Variants in LRRC4C observed in about 807,000 individuals in gnomAD.
LRRC4C encodes leucine-rich repeat-containing protein 4C.
Under a neutral mutation model 33.6 loss-of-function variants are expected in LRRC4C, and 5 were observed. The ratio of observed to expected loss-of-function variants is 0.15; its 90% CI spans 0.08 to 0.31. The LOEUF is 0.31. Ranked by LOEUF, LRRC4C falls within the 10% of genes least tolerant of loss-of-function variation. The pLI, the probability that LRRC4C is intolerant of heterozygous loss-of-function variation, is 1.00. For synonymous variants in LRRC4C, 329 were observed against 302.0 expected, an observed-to-expected ratio of 1.09 and a Z score of -0.93; for missense variants, 560 against 796.7, an observed-to-expected ratio of 0.70 and a Z score of 3.58.
At chr11:40,545,761 G>A (rs1956887164) in intron 3 of LRRC4C, among the ~76,000 whole-genome samples, 1 of 151,992 alleles carries the variant, frequency 6.6e-6, no homozygotes, top group Admixed American at 6.6e-5. Flanking sequence ...GAACTTTAGA[G>A]TTTCTATGTA....
intron 1 of LRRC4C, among the ~76,000 whole-genome samples, chr11:40,954,439 T>C (rs778754833): frequency 6.6e-6 from 1 of 151,864 alleles, no homozygotes; most frequent in Non-Finnish European, 1.5e-5. Context: ...TTTGCATGGC[T>C]CCAATCATAA....
At chr11:41,384,000 T>C (rs1484837442) in intron 1 of LRRC4C, among the ~76,000 whole-genome samples, 1 of 151,952 alleles carries the variant, frequency 6.6e-6, no homozygotes, top group African/African-American at 2.4e-5. Context: ...GCACTAAAAT[T>C]TAAGCTTTGT....
intron 4 of LRRC4C, among the ~76,000 whole-genome samples, chr11:40,259,671 C>T (rs1035483440): frequency 3.3e-5 from 5 of 152,248 alleles, no homozygotes; most frequent in African/African-American, 1.2e-4. Flanking sequence ...AATAGGGAAC[C>T]CTTTCCCCAT....
chr11:40,594,172 T>C (rs1268337321), intron 3 of LRRC4C, among the ~76,000 whole-genome samples: 1 of 152,206 alleles, frequency 6.6e-6, no homozygotes, highest in Non-Finnish European at 1.5e-5. Flanking sequence ...TACACTCTGA[T>C]ATTTTTCATT....
At chr11:41,339,466 G>T (rs192213667) in intron 1 of LRRC4C, among the ~76,000 whole-genome samples, 1 of 152,060 alleles carries the variant, frequency 6.6e-6, no homozygotes, top group Non-Finnish European at 1.5e-5. Flanking sequence ...AAATGCAAAG[G>T]TCATTTGCAG....
rs148874722 is a variant in LRRC4C at position 41,381,610 on chromosome 11, G to C, written c.-496+77821C>G. ...CCACTGTACTCCAGCCTGGGCAACA[G>C]AGCAAGACTCTGCTTCAAAAAAAAA... On this transcript the variant is annotated intron_variant, in intron 1 of 6. Transcript: ENST00000528697. Among the ~76,000 whole-genome samples, 621 of 134,686 alleles carry C rather than the reference G, an allele frequency of 4.6e-3. 1 individual carries two copies. The highest frequency in any genetic ancestry group is 6.1e-3 in the Non-Finnish European group (396 of 64,564). The allele number at this position is 134,686 out of a possible 152,430, so 88.4% of individuals were successfully genotyped here. A position where few individuals can be genotyped will look rare whatever the true frequency, so the allele number is the denominator to read the frequency against.
At chr11:41,211,792 C>T (rs568696621) in intron 1 of LRRC4C, among the ~76,000 whole-genome samples, 130 of 152,260 alleles carry the variant, frequency 8.5e-4, no homozygotes, top group African/African-American at 3.1e-3. Context: ...AATAAACATA[C>T]GTGCTCATGT....
At chr11:41,310,702 A>G (rs953701319) in intron 1 of LRRC4C, among the ~76,000 whole-genome samples, 4 of 152,224 alleles carry the variant, frequency 2.6e-5, no homozygotes, top group Non-Finnish European at 5.9e-5. Flanking sequence ...CAGCATTCAT[A>G]GCAACCAGTC....
At chr11:41,354,437 G>C (rs1952087895) in intron 1 of LRRC4C, among the ~76,000 whole-genome samples, 2 of 151,948 alleles carry the variant, frequency 1.3e-5, no homozygotes, top group African/African-American at 4.8e-5. Flanking sequence ...TTGTTAAAAT[G>C]GTCAGATGCC....
At chr11:40,298,522 A>G (rs921587693) in intron 4 of LRRC4C, among the ~76,000 whole-genome samples, 5 of 151,424 alleles carry the variant, frequency 3.3e-5, no homozygotes, top group African/African-American at 1.2e-4. Flanking sequence ...CAAGCAGAAG[A>G]TCATGAGTAC....
intron 1 of LRRC4C, among the ~76,000 whole-genome samples, chr11:41,140,275 A>T (rs1325984325): frequency 6.6e-6 from 1 of 152,162 alleles, no homozygotes; most frequent in Non-Finnish European, 1.5e-5. Context: ...GTTTCTGGAA[A>T]TGCCTGGCTG....
intron 6 of LRRC4C, among the ~76,000 whole-genome samples, chr11:40,125,535 G>T (rs1273449451): frequency 6.7e-6 from 1 of 149,672 alleles, no homozygotes; most frequent in Admixed American, 6.8e-5. Flanking sequence ...ATCCTCACAC[G>T]TTTATGTTCA....
intron 5 of LRRC4C, among the ~76,000 whole-genome samples, chr11:40,147,422 A>G (rs910316263): frequency 1.3e-5 from 2 of 152,094 alleles, no homozygotes; most frequent in Non-Finnish European, 2.9e-5. Flanking sequence ...GAGCCTCAAA[A>G]CTAAGAACCT....
At chr11:40,818,594 A>G (rs1951799121) in intron 2 of LRRC4C, among the ~76,000 whole-genome samples, 1 of 152,030 alleles carries the variant, frequency 6.6e-6, no homozygotes, top group Admixed American at 6.6e-5. Flanking sequence ...GAAAAAAATG[A>G]TTTACTTCCT....
chr11:40,859,165 A>G (rs1953952634), intron 2 of LRRC4C, among the ~76,000 whole-genome samples: 1 of 152,202 alleles, frequency 6.6e-6, no homozygotes, highest in African/African-American at 2.4e-5. Flanking sequence ...TATCAGTAAT[A>G]TAGAGGGTTA....
chr11:40,693,057 T>C (rs2136416917), intron 2 of LRRC4C, among the ~76,000 whole-genome samples: 1 of 152,124 alleles, frequency 6.6e-6, no homozygotes, highest in Admixed American at 6.6e-5. Context: ...GAATATAATC[T>C]CTGGGATACA....
At chr11:41,166,369 T>C (rs568042567) in intron 1 of LRRC4C, among the ~76,000 whole-genome samples, 2 of 152,332 alleles carry the variant, frequency 1.3e-5, no homozygotes, top group East Asian at 3.9e-4. Context: ...TTATTTTTCA[T>C]ATAATTGTTA....
At chr11:41,410,395 T>G (rs1052051156) in intron 1 of LRRC4C, among the ~76,000 whole-genome samples, 3 of 151,106 alleles carry the variant, frequency 2.0e-5, no homozygotes, top group Admixed American at 1.3e-4. Context: ...TTTTTCTTAG[T>G]GAGAAAGTTT....
At chr11:40,505,796 C>A (rs181546715) in intron 3 of LRRC4C, among the ~76,000 whole-genome samples, 8 of 152,184 alleles carry the variant, frequency 5.3e-5, no homozygotes, top group Admixed American at 3.9e-4. Flanking sequence ...CCCAATAATA[C>A]CTCTCTTCAA....
Sources: allele counts gnomAD v4.1 joint callset (sites outside exome capture counted in the v4.1 genomes callset), GRCh38; gene constraint gnomAD v4.1.1; transcripts MANE v1.5; gene names NCBI Gene and HGNC (gene_info 2026-07-23, HGNC 2026-07-21).